The following SORL1 variants were observed in gnomAD, a reference collection of about 807,000 sequenced individuals.
The protein encoded by SORL1 is sortilin related receptor 1.
Under a neutral mutation model 273.7 loss-of-function variants are expected in SORL1, and 127 were observed. The ratio of observed to expected loss-of-function variants is 0.46; its 90% confidence interval spans 0.40 to 0.54. The LOEUF (loss-of-function observed/expected upper bound fraction) is 0.54, where lower values mean the gene tolerates loss of function less well. Ranked by LOEUF, SORL1 falls within the 20% of genes least tolerant of loss-of-function variation. SORL1 has a pLI of 0.00. For synonymous variants in SORL1, 1,031 were observed against 1,067.4 expected (o/e 0.97, Z 0.66); for missense variants, 2,494 against 2,846.1 (o/e 0.88, Z 2.81).
At position 121,558,818 on chromosome 11, in the gene SORL1, A is replaced by T. The variant is rs752531777; in HGVS notation, c.2891A>T (p.Tyr964Phe). The T allele has an allele frequency of 2.5e-6, 4 of 1,614,048 alleles. No homozygotes were observed. The highest frequency in any genetic ancestry group is 3.4e-6 in the Non-Finnish European group (4 of 1,180,008). Residue 964 changes from tyrosine (Y) to phenylalanine (F), a missense_variant, in exon 20 of 48, where the codon TAT (tyrosine) becomes TTT (phenylalanine). By Grantham distance (22) the Tyr-to-Phe change is conservative. Coordinates refer to ENST00000260197, the MANE Select transcript of SORL1 (RefSeq NM_003105.6). ...ATTCTGGACAACCTCCCGCACCCCT[A>T]TGCCATTGCTGTCTTTAAGGTGAGT... ...SVILDNLPHP[Y>F]AIAVFKNEIY...
chr11:121,484,295 T>C (rs1214758373), intron 3 of SORL1, among the ~76,000 whole-genome samples: 1 of 152,124 alleles, frequency 6.6e-6, no homozygotes, highest in East Asian at 1.9e-4. Context: ...AGTTGCTCAA[T>C]CAAACCTGGT....
In SORL1 at chr11:121,558,748, G is replaced by A. The variant is rs757454624; in HGVS notation, c.2821G>A (p.Glu941Lys). The A allele has an allele frequency of 6.2e-7, 1 of 1,614,154 alleles. No individual in the cohort carries two copies. The highest frequency in any genetic ancestry group is 1.7e-5 in the Admixed American group (1 of 60,026). Residue 941 changes from glutamate (E) to lysine (K), a missense_variant, in exon 20 of 48, where the codon GAG (glutamate) becomes AAG (lysine). Transcript: ENST00000260197. ...GATTTACTGGACGGATGCCTACCTGGAGTGCATAGAGCGGATCACGTTCAG... is the reference window on the plus strand; with the variant it reads ...GATTTACTGGACGGATGCCTACCTGAAGTGCATAGAGCGGATCACGTTCAG... ...QWIYWTDAYLECIERITFSGQ... is the reference protein window; with the variant it reads ...QWIYWTDAYLKCIERITFSGQ...
chr11:121,594,826 A>G (rs908470781), intron 31 of SORL1, among the ~76,000 whole-genome samples: 1 of 152,136 alleles, frequency 6.6e-6, no homozygotes, highest in African/African-American at 2.4e-5. Context: ...GGGCTTGTCA[A>G]CTTCGAGGTT....
Position 121,550,477 on chromosome 11 carries a change from A to T in SORL1, c.2181-108A>T. ...CTCTTTCTAGTTCTAAAGAGAAATG[A>T]GTGGATGGACTCTACTGGCCGTGGG... On this transcript the variant is annotated intron_variant, in intron 15 of 47. Transcript: ENST00000260197. This position sits in a 1 kb window ranked among gnomAD's most constrained non-coding sequence, Gnocchi z 5.3. The T allele has an allele frequency of 1.1e-6, 1 of 881,974 alleles. No individual in the cohort carries two copies. Among genetic ancestry groups the T allele is most frequent in the South Asian group, 1.4e-5 (1 of 71,166 alleles). The allele number at this position is 881,974 out of a possible 1,614,324, so 54.6% of individuals were successfully genotyped here.
chr11:121,621,261 G>A (rs1863720126), intron 44 of SORL1, 23 bp downstream of exon 44: 7 of 1,606,696 alleles, frequency 4.4e-6, no homozygotes, highest in Non-Finnish European at 6.0e-6. Flanking sequence ...GAGGTTAGAG[G>A]TCTTCTCACA....
At chr11:121,495,768 G>C (rs1326459569) in intron 5 of SORL1, among the ~76,000 whole-genome samples, 1 of 152,170 alleles carries the variant, frequency 6.6e-6, no homozygotes, top group Non-Finnish European at 1.5e-5. Flanking sequence ...CTCCAAGGTA[G>C]TTTGGCCTGG....
chr11:121,503,757 G>A (rs1230734360), intron 6 of SORL1, among the ~76,000 whole-genome samples: 1 of 152,150 alleles, frequency 6.6e-6, no homozygotes, highest in Non-Finnish European at 1.5e-5. Flanking sequence ...CTACCCCTAT[G>A]CCAGCATCAC....
intron 40 of SORL1, among the ~76,000 whole-genome samples, chr11:121,613,059 C>T (rs1863589857): frequency 6.6e-6 from 1 of 152,144 alleles, no homozygotes; most frequent in Non-Finnish European, 1.5e-5. Context: ...CCTCATGACC[C>T]TTAGTGGAAG....
chr11:121,528,601 A>C (rs1273043751), intron 11 of SORL1, among the ~76,000 whole-genome samples: 1 of 152,204 alleles, frequency 6.6e-6, no homozygotes, highest in African/African-American at 2.4e-5. Flanking sequence ...CAATCCATAA[A>C]TATCTCTTGA....
chr11:121,489,136 T>C (rs991026766), intron 4 of SORL1, among the ~76,000 whole-genome samples: 2 of 152,212 alleles, frequency 1.3e-5, no homozygotes, highest in African/African-American at 4.8e-5. Flanking sequence ...TGGTTCTCTG[T>C]GGGGCTCTGT....
chr11:121,546,555 T>G lies in SORL1; in HGVS notation c.2051+1126T>G, dbSNP rs983945100. Reference sequence around the variant, plus strand: ...TGCTGAGGCACAGAGGAACTAGATTTTGCTTTGGGCAGCTGTACTTGTCTT... The same window carrying G: ...TGCTGAGGCACAGAGGAACTAGATTGTGCTTTGGGCAGCTGTACTTGTCTT... On this transcript the variant is annotated intron_variant, in intron 14 of 47. Transcript: ENST00000260197. Among the ~76,000 whole-genome samples the G allele has an allele frequency of 1.3e-4, 20 of 152,354 alleles. No homozygotes were observed. The South Asian group carries it at 4.1e-3, about 32-fold the overall frequency.
chr11:121,537,483 G>A (rs1591316639), intron 12 of SORL1, among the ~76,000 whole-genome samples: 1 of 152,148 alleles, frequency 6.6e-6, no homozygotes, highest in Non-Finnish European at 1.5e-5. Flanking sequence ...CAGAGGTAAA[G>A]GAGTAGGCTT....
chr11:121,452,426 C>A lies in SORL1; in HGVS notation c.95C>A (p.Thr32Lys), dbSNP rs780711159. The change falls in exon 1 of 48, where the codon ACG becomes AAG. Residue 32 changes from threonine to lysine, a missense_variant. By Grantham distance (78) the Thr-to-Lys change is moderately conservative (BLOSUM62 -1). This residue lies in a region of SORL1 where 175 missense variants were observed against 147.1 expected (regional missense o/e 1.19). Transcript: ENST00000260197. This position sits in a 1 kb window ranked among gnomAD's most constrained non-coding sequence, Gnocchi z 5.3. Reference protein sequence around the residue: ...LPPGALCEVWTQRLHGGSAPL... With the variant: ...LPPGALCEVWKQRLHGGSAPL... The stretch of plus-strand genomic sequence containing the variant: ...CCCGGAGCTCTCTGCGAAGTCTGGA[C>A]GCAGAGGCTGCACGGCGGCAGCGCG... The A allele has an allele frequency of 6.6e-7, 1 of 1,514,232 alleles. No individual in the cohort carries two copies. Among genetic ancestry groups the A allele is most frequent in the African/African-American group, 1.4e-5 (1 of 69,204 alleles). 93.8% of individuals were successfully genotyped at this position (1,514,232 alleles called of 1,614,324 possible).
At chr11:121,598,433 G>A (rs950647166) in intron 32 of SORL1, among the ~76,000 whole-genome samples, 9 of 152,168 alleles carry the variant, frequency 5.9e-5, no homozygotes, top group East Asian at 1.9e-4. Context: ...ATGAGGAGTC[G>A]CAGCTTTCCC....
At chr11:121,628,033 A>G (rs1863824129) in intron 47 of SORL1, among the ~76,000 whole-genome samples, 1 of 152,206 alleles carries the variant, frequency 6.6e-6, no homozygotes, top group African/African-American at 2.4e-5. Context: ...GAGACTCCCA[A>G]AGTATCGGAA....
At chr11:121,593,657 G>A (rs1363624768) in intron 31 of SORL1, among the ~76,000 whole-genome samples, 1 of 152,140 alleles carries the variant, frequency 6.6e-6, no homozygotes, top group Non-Finnish European at 1.5e-5. Flanking sequence ...CAGTAGCCTT[G>A]TCAGGTGAAT....
At chr11:121,453,597 A>G (rs1860849731) in intron 1 of SORL1, among the ~76,000 whole-genome samples, 1 of 152,232 alleles carries the variant, frequency 6.6e-6, no homozygotes, top group Admixed American at 6.5e-5. Flanking sequence ...TTCCTTTTGA[A>G]GTAGAAATTA....
At chr11:121,492,886 C>G (rs1418612755) in intron 5 of SORL1, among the ~76,000 whole-genome samples, 1 of 151,196 alleles carries the variant, frequency 6.6e-6, no homozygotes, top group African/African-American at 2.4e-5. Flanking sequence ...TCACTGCAAC[C>G]TCCGTCTCCA....
intron 3 of SORL1, among the ~76,000 whole-genome samples, chr11:121,482,028 T>G (rs1353932431): frequency 6.6e-6 from 1 of 152,230 alleles, no homozygotes; most frequent in Non-Finnish European, 1.5e-5. Context: ...AGTACACAGA[T>G]GCCTATAGGT....
Sources: gnomAD v4.1 joint callset for allele counts (sites outside exome capture counted in the v4.1 genomes callset) on GRCh38, gnomAD v4.1.1 for gene constraint, gnomAD v4.1.1 regional missense constraint, Gnocchi (gnomAD v3.1) non-coding constraint, MANE v1.5 for transcripts, NCBI Gene and HGNC (gene_info 2026-07-23, HGNC 2026-07-21) for gene names.